The following ZNF138 variants were observed in gnomAD, a reference collection of about 807,000 sequenced individuals.
The protein encoded by ZNF138 is zinc finger protein 138, also known as zinc finger protein 138 (clone pHZ-32).
In ZNF138, 33 loss-of-function variants were observed where a neutral mutation model predicts 33.0. The observed-to-expected ratio is 1.00, with a 90% confidence interval of 0.76 to 1.34. The LOEUF (loss-of-function observed/expected upper bound fraction) is 1.34, where lower values mean the gene tolerates loss of function less well. ZNF138 is among the 40% of genes most tolerant of loss of function. The pLI is 0.00. For synonymous variants in ZNF138, 139 were observed against 120.4 expected, an observed-to-expected ratio of 1.15 and a Z score of -1.01; for missense variants, 360 against 370.8, an observed-to-expected ratio of 0.97 and a Z score of 0.24.
At chr7:64,808,191 A>T (rs926674511) in intron 1 of ZNF138, among the ~76,000 whole-genome samples, 1 of 152,180 alleles carries the variant, frequency 6.6e-6, no homozygotes, top group Non-Finnish European at 1.5e-5. Flanking sequence ...CGTCTGTCTC[A>T]GTGTAAGAGA....
intron 3 of ZNF138, among the ~76,000 whole-genome samples, chr7:64,828,029 G>A (rs1214789423): frequency 6.6e-6 from 1 of 152,030 alleles, no homozygotes; most frequent in Non-Finnish European, 1.5e-5. Flanking sequence ...TATTTGTGGT[G>A]TTGGTTTATT....
chr7:64,850,502 C>G, the ZNF138 span, among the ~76,000 whole-genome samples: 1 of 152,166 alleles, frequency 6.6e-6, no homozygotes, highest in Non-Finnish European at 1.5e-5. Flanking sequence ...TTAAATTTCT[C>G]TTTATTTCTA....
chr7:64,859,625 T>C, the ZNF138 span, among the ~76,000 whole-genome samples: 7 of 152,238 alleles, frequency 4.6e-5, no homozygotes, highest in African/African-American at 1.4e-4. Flanking sequence ...TAAGAAAAAT[T>C]ATTGCAATGT....
intron 3 of ZNF138, among the ~76,000 whole-genome samples, chr7:64,830,467 T>G (rs561364997): frequency 3.9e-5 from 6 of 152,114 alleles, no homozygotes; most frequent in Non-Finnish European, 7.3e-5. Context: ...TAAAATATAT[T>G]TGTGCATCTT....
At chr7:64,831,349 A>G in intron 3 of ZNF138, 102 bp from the exon 4 acceptor site, 1 of 1,135,880 alleles carries the variant, frequency 8.8e-7, no homozygotes, top group African/African-American at 1.6e-5. Flanking sequence ...TTGCTATGCC[A>G]TCTTGCTTAT....
chr7:64,798,267 T>C (rs1786856194), intron 1 of ZNF138, among the ~76,000 whole-genome samples: 1 of 152,164 alleles, frequency 6.6e-6, no homozygotes, highest in African/African-American at 2.4e-5. Context: ...TTAGAAAATG[T>C]TTTACCCTGA....
chr7:64,859,517 C>T, the ZNF138 span, among the ~76,000 whole-genome samples: 1 of 152,084 alleles, frequency 6.6e-6, no homozygotes, highest in Non-Finnish European at 1.5e-5. Flanking sequence ...TCAATAAGAA[C>T]CAAACTAGAC....
the ZNF138 span, among the ~76,000 whole-genome samples, chr7:64,854,753 G>A: frequency 3.9e-5 from 6 of 152,100 alleles, no homozygotes; most frequent in Non-Finnish European, 7.4e-5. Flanking sequence ...TCGGTCTATC[G>A]TTAAGGTTTT....
the ZNF138 span, among the ~76,000 whole-genome samples, chr7:64,843,195 C>G: frequency 6.6e-6 from 1 of 151,912 alleles, no homozygotes; most frequent in Non-Finnish European, 1.5e-5. Flanking sequence ...GTGTATATAC[C>G]ACATTGTCTT....
Position 64,820,421 on chromosome 7 carries a change from T to A in ZNF138, c.208+4768T>A, listed in dbSNP as rs1789033819. Among the ~76,000 whole-genome samples the A allele has an allele frequency of 2.6e-5, 4 of 151,768 alleles. No individual in the cohort carries two copies. In the South Asian group the frequency reaches 8.3e-4, roughly 31 times the overall value. ...TTTGTGTATATGTTACATTTTTTGA[T>A]GTGTTTGTAAGTCAAGGGACAGTTG... On this transcript the variant is annotated intron_variant, in intron 3 of 3. Coordinates refer to ENST00000307355, the MANE Select transcript of ZNF138 (RefSeq NM_001271639.2).
At chr7:64,818,117 G>A (rs1788822141) in intron 3 of ZNF138, among the ~76,000 whole-genome samples, 1 of 147,672 alleles carries the variant, frequency 6.8e-6, no homozygotes, top group Non-Finnish European at 1.5e-5. Context: ...CCAAGTAGCT[G>A]GGATAACAGG....
intron 3 of ZNF138, among the ~76,000 whole-genome samples, chr7:64,820,117 T>C (rs1404929312): frequency 6.6e-6 from 1 of 152,162 alleles, no homozygotes; most frequent in East Asian, 1.9e-4. Flanking sequence ...ATATTCACAT[T>C]GTTATGCAAA....
chr7:64,832,289 C>T lies in ZNF138; in HGVS notation c.*87C>T. 1 of 1,588,346 alleles carries T rather than the reference C, an allele frequency of 6.3e-7. No homozygotes were observed. The highest frequency in any genetic ancestry group is 8.6e-7 in the Non-Finnish European group (1 of 1,169,216). ...GCAAAGCCTTTAACCAGTTTTCAACCCTTATTACACATAAGATAATTCATA... is the reference window on the plus strand; with the variant it reads ...GCAAAGCCTTTAACCAGTTTTCAACTCTTATTACACATAAGATAATTCATA... On this transcript the variant is annotated 3_prime_UTR_variant, in exon 4 of 4. Coordinates refer to ENST00000307355, the MANE Select transcript of ZNF138 (RefSeq NM_001271639.2).
the ZNF138 span, among the ~76,000 whole-genome samples, chr7:64,844,098 C>A: frequency 6.6e-6 from 1 of 152,206 alleles, no homozygotes; most frequent in South Asian, 2.1e-4. Flanking sequence ...GCTGGGATTA[C>A]AGGCCTGAGC....
At chr7:64,800,280 T>C (rs553184846) in intron 1 of ZNF138, among the ~76,000 whole-genome samples, 9 of 152,194 alleles carry the variant, frequency 5.9e-5, no homozygotes, top group East Asian at 1.9e-4. Context: ...CCAGTTTTCA[T>C]GGAGAAATGC....
intron 3 of ZNF138, among the ~76,000 whole-genome samples, chr7:64,825,729 AG>A (rs1789551916): frequency 2.7e-5 from 4 of 150,924 alleles, no homozygotes; most frequent in Admixed American, 2.0e-4. Flanking sequence ...CGGTAGAGAC[AG>A]GGTTTCACTA....
downstream of ZNF138, among the ~76,000 whole-genome samples, chr7:64,838,259 G>A (rs930147988): frequency 6.6e-6 from 1 of 152,228 alleles, no homozygotes; most frequent in African/African-American, 2.4e-5. Flanking sequence ...GGCCGGGGCA[G>A]TCTGACTTCC....
chr7:64,831,426 A>G, intron 3 of ZNF138, 25 bp from the exon 4 acceptor site: 1 of 1,506,688 alleles, frequency 6.6e-7, no homozygotes, highest in South Asian at 1.4e-5. Context: ...AGGTGGAGTA[A>G]TTTGTTATTT....
chr7:64,819,644 C>A (rs1468794970), intron 3 of ZNF138, among the ~76,000 whole-genome samples: 1 of 152,156 alleles, frequency 6.6e-6, no homozygotes, highest in Non-Finnish European at 1.5e-5. Context: ...GCTAGGATTA[C>A]AAGCGGCAGC....
Sources: allele counts gnomAD v4.1 joint callset (sites outside exome capture counted in the v4.1 genomes callset), GRCh38; gene constraint gnomAD v4.1.1; transcripts MANE v1.5; gene names NCBI Gene and HGNC (gene_info 2026-07-23, HGNC 2026-07-21).